RGPD3: variants seen among roughly 807,000 people sequenced by gnomAD.
The protein encoded by RGPD3 is ranBP2-like and GRIP domain-containing protein 3.
RGPD3 carries 62 observed loss-of-function variants against 154.5 expected under a neutral mutation model. The observed-to-expected ratio is 0.40, with a 90% CI of 0.33 to 0.50. The LOEUF (loss-of-function observed/expected upper bound fraction) is 0.50. Ranked by LOEUF, RGPD3 falls within the 20% of genes least tolerant of loss-of-function variation. The pLI, the probability that RGPD3 is intolerant of heterozygous loss-of-function variation, is 0.59. For missense variants in RGPD3, 919 were observed against 1,716.8 expected, an observed-to-expected ratio of 0.54 and a Z score of 8.21; for synonymous variants, 308 against 607.0, an observed-to-expected ratio of 0.51 and a Z score of 7.24.
At chr2:106,465,994 AAG>A (rs1558864572) in intron 1 of RGPD3, among the ~76,000 whole-genome samples, 1 of 152,050 alleles carries the variant, frequency 6.6e-6, no homozygotes, top group Non-Finnish European at 1.5e-5. Context: ...CCTCCAGGCC[AAG>A]GAGGTATGAC....
intron 18 of RGPD3, among the ~76,000 whole-genome samples, chr2:106,426,745 G>T (rs376902435): frequency 1.3e-5 from 2 of 152,206 alleles, no homozygotes; most frequent in African/African-American, 2.4e-5. Flanking sequence ...TCATTTGCTT[G>T]AACTGTTTTA....
At chr2:106,428,740 A>G (rs532592377) in intron 18 of RGPD3, among the ~76,000 whole-genome samples, 1 of 151,450 alleles carries the variant, frequency 6.6e-6, no homozygotes, top group African/African-American at 2.4e-5. Flanking sequence ...TCTGTCGTAC[A>G]TAAAAGGAAC....
rs55851806 is a variant in RGPD3 at position 106,464,340 on chromosome 2, C to CAA, written c.72+3875_72+3876dup. ...TGGACGATAGAGCGAGACTCCATCT[C>CAA]AAAAAAAAAAAAAAAAGAAAAGAAA... On this transcript the variant is annotated intron_variant, in intron 1 of 22. Transcript: ENST00000409886. Among the ~76,000 whole-genome samples, 252 of 107,298 alleles carry CAA rather than the reference C, an allele frequency of 2.3e-3. 1 individual carries two copies. The highest frequency in any genetic ancestry group is 3.9e-3 in the Non-Finnish European group (201 of 51,764). 70.4% of individuals were successfully genotyped at this position (107,298 alleles called of 152,430 possible). A position where few individuals can be genotyped will look rare whatever the true frequency, so the allele number is the denominator to read the frequency against.
intron 9 of RGPD3, among the ~76,000 whole-genome samples, chr2:106,437,526 A>AAAAGT (rs1677598922): frequency 6.6e-6 from 1 of 152,168 alleles, no homozygotes; most frequent in Non-Finnish European, 1.5e-5. Flanking sequence ...AAAAGAAAAG[A>AAAAGT]AAAGAAAAGA....
At chr2:106,422,821 T>A (rs1327209712) in intron 20 of RGPD3, among the ~76,000 whole-genome samples, 2 of 152,006 alleles carry the variant, frequency 1.3e-5, no homozygotes, top group Admixed American at 1.3e-4. Context: ...CCTAGCATGA[T>A]AGAAGTATCT....
intron 12 of RGPD3, among the ~76,000 whole-genome samples, chr2:106,435,809 G>GATCT (rs1677529360): frequency 2.0e-5 from 3 of 151,956 alleles, no homozygotes; most frequent in African/African-American, 7.2e-5. Context: ...TATTTAGAAA[G>GATCT]ATCTATAATG....
intron 9 of RGPD3, among the ~76,000 whole-genome samples, chr2:106,438,055 T>A (rs1001387545): frequency 6.6e-6 from 1 of 152,160 alleles, no homozygotes; most frequent in African/African-American, 2.4e-5. Context: ...CTCAGCCTCC[T>A]GAGTAGGGAC....
intron 22 of RGPD3, 38 bp from the exon 23 acceptor site, chr2:106,405,267 T>C: frequency 6.3e-7 from 1 of 1,595,090 alleles, no homozygotes; most frequent in South Asian, 1.1e-5. Context: ...AAAAAGAGAG[T>C]ATTAAAATTT....
At chr2:106,441,749 A>G (rs1434672474) in intron 7 of RGPD3, among the ~76,000 whole-genome samples, 1 of 150,790 alleles carries the variant, frequency 6.6e-6, no homozygotes, top group African/African-American at 2.4e-5. Flanking sequence ...TGTTAATTCC[A>G]GCTACACGGG....
rs376883989 is a variant in RGPD3, at chr2:106,468,181, A to G, written c.72+36T>C. On this transcript the variant is annotated intron_variant, in intron 1 of 22. Transcript: ENST00000409886. Reference sequence around the variant, plus strand: ...GCCGGGTCGAGGCCGCCGCCCGGCCAGGTCGAGGCCGTCGGTCTCTTCCAG... The same window carrying G: ...GCCGGGTCGAGGCCGCCGCCCGGCCGGGTCGAGGCCGTCGGTCTCTTCCAG... The G allele has an allele frequency of 3.9e-3, 6,075 of 1,577,822 alleles. 14 individuals are homozygous for G. Among genetic ancestry groups the G allele is most frequent in the African/African-American group, 6.6e-3 (484 of 73,580 alleles).
intron 1 of RGPD3, among the ~76,000 whole-genome samples, chr2:106,466,848 C>G (rs1226240555): frequency 1.5e-5 from 1 of 67,556 alleles, no homozygotes; most frequent in Non-Finnish European, 3.0e-5. Flanking sequence ...CAGCGCCCGT[C>G]GGGAGCCATG....
chr2:106,465,370 GA>G (rs1036987549), intron 1 of RGPD3, among the ~76,000 whole-genome samples: 38 of 151,998 alleles, frequency 2.5e-4, no homozygotes, highest in African/African-American at 7.2e-4. Flanking sequence ...CAATTTGGGG[GA>G]AAAAAAGACT....
At chr2:106,450,705 CAA>C (rs768839840) in intron 6 of RGPD3, among the ~76,000 whole-genome samples, 110 of 43,202 alleles carry the variant, frequency 2.5e-3, no homozygotes, top group African/African-American at 0.013. Flanking sequence ...GACTCTGTCT[CAA>C]AAAAAAAAAA....
At position 106,404,282 on chromosome 2, in the gene RGPD3, A is replaced by T. The variant is rs1165683704; in HGVS notation, c.*937T>A. Reference sequence around the variant, plus strand: ...CATGGCTTGCATGCAGTGACACCCTATCAAGAGCCTGGAAAGACACCATGA... The same window carrying T: ...CATGGCTTGCATGCAGTGACACCCTTTCAAGAGCCTGGAAAGACACCATGA... On this transcript the variant is annotated 3_prime_UTR_variant, in exon 23 of 23. Coordinates refer to ENST00000409886, the MANE Select transcript of RGPD3 (RefSeq NM_001144013.2). 6.7e-6 allele frequency among the ~76,000 whole-genome samples: 1 copy of T among 150,148 alleles called. No individual in the cohort carries two copies. Among genetic ancestry groups the T allele is most frequent in the Non-Finnish European group, 1.5e-5 (1 of 67,672 alleles).
chr2:106,470,401 A>T (rs1208557923), upstream of RGPD3, among the ~76,000 whole-genome samples: 1 of 152,238 alleles, frequency 6.6e-6, no homozygotes, highest in Non-Finnish European at 1.5e-5. Context: ...CCAAACGAAG[A>T]CTGACATGTC....
chr2:106,417,732 C>T lies in RGPD3; in HGVS notation c.4925-1743G>A, dbSNP rs530217539. On this transcript the variant is annotated intron_variant, in intron 20 of 22. Transcript: ENST00000409886. ...TTCAAAATCTATTGATTCGGCCTTA[C>T]AGAGGTACACAAAATGAAAATATCA... Among the ~76,000 whole-genome samples the T allele has an allele frequency of 2.7e-4, 40 of 150,804 alleles. No individual in the cohort carries two copies. In the South Asian group the frequency reaches 8.1e-3, roughly 31 times the overall value.
In RGPD3 at chr2:106,424,789, G is replaced by T; in HGVS notation, c.3178C>A (p.Leu1060Met). The change falls in exon 20 of 23, where the codon CTG becomes ATG. Residue 1060 changes from leucine (L) to methionine (M), a missense_variant. Leu to Met is a conservative substitution (Grantham distance 15, BLOSUM62 2). Transcript: ENST00000409886. ...AATAGTTTTACCCCCTGTGAATACA[G>T]AACTTTTTCACCTTCTTCTCCTGTT... ...LVTGEEGEKV[L>M]YSQGVKLFRF... The T allele has an allele frequency of 6.2e-7, 1 of 1,611,754 alleles. No individual in the cohort carries two copies. Among genetic ancestry groups the T allele is most frequent in the Non-Finnish European group, 8.5e-7 (1 of 1,179,840 alleles).
At chr2:106,414,492 C>T (rs1459135179) in intron 21 of RGPD3, among the ~76,000 whole-genome samples, 14 of 148,170 alleles carry the variant, frequency 9.4e-5, no homozygotes, top group Non-Finnish European at 6.0e-5. Context: ...CATGGTGGTG[C>T]GTGCCTGCAG....
chr2:106,415,764 G>A, intron 21 of RGPD3, 86 bp downstream of exon 21: 1 of 1,569,848 alleles, frequency 6.4e-7, no homozygotes, highest in Admixed American at 1.7e-5. Flanking sequence ...TCTGCAATGT[G>A]AATTTTTAAA....
Sources: gnomAD v4.1 joint callset for allele counts (sites outside exome capture counted in the v4.1 genomes callset) on GRCh38, gnomAD v4.1.1 for gene constraint, MANE v1.5 for transcripts, NCBI Gene and HGNC (gene_info 2026-07-23, HGNC 2026-07-21) for gene names.